Variants in ESPNL observed in about 807,000 individuals in gnomAD.
The protein encoded by ESPNL is espin-like protein.
Under a neutral mutation model 46.8 loss-of-function variants are expected in ESPNL, and 49 were observed. The observed-to-expected ratio is 1.05, with a 90% CI of 0.83 to 1.33. The LOEUF (loss-of-function observed/expected upper bound fraction) is 1.33, where lower values mean the gene tolerates loss of function less well. ESPNL is among the 40% of genes most tolerant of loss of function. The pLI, the probability that ESPNL is intolerant of heterozygous loss-of-function variation, is 0.00. For synonymous variants in ESPNL, 664 were observed against 662.1 expected (o/e 1.00, Z -0.04); for missense variants, 1,540 against 1,436.6 (o/e 1.07, Z -1.16).
At chr2:238,125,915 GTGTC>G (rs1319560589) in intron 6 of ESPNL, among the ~76,000 whole-genome samples, 4 of 152,196 alleles carry the variant, frequency 2.6e-5, no homozygotes, top group African/African-American at 9.7e-5. Context: ...GTGTGTGATT[GTGTC>G]TGTGTGTTCT....
rs1220886027 is a variant in ESPNL, at chr2:238,130,157, G to A, written c.1443G>A (p.Glu481=). 6.2e-7 allele frequency: 1 copy of A among 1,612,436 alleles called. No individual in the cohort carries two copies. Among genetic ancestry groups the A allele is most frequent in the African/African-American group, 1.3e-5 (1 of 74,912 alleles). The change falls in exon 9 of 9, where the codon GAG becomes GAA. Residue 481 remains glutamate (E), a synonymous_variant. Transcript: ENST00000343063. ...ATGGTGGGAGCTCAGGCCCCACGGA[G>A]CAGGCGGCCTGGAGGTACTCACAGA... ...QDNGGSSGPT[E]QAAWRYSQTH...
chr2:238,130,055 G>A, intron 8 of ESPNL, 73 bp from the exon 9 acceptor site: 1 of 1,518,198 alleles, frequency 6.6e-7, no homozygotes, highest in Admixed American at 1.9e-5. Flanking sequence ...GAGAACTCAG[G>A]GACTTGGAAG....
chr2:238,118,949 AT>A, intron 5 of ESPNL, among the ~76,000 whole-genome samples: 5 of 95,790 alleles, frequency 5.2e-5, no homozygotes, highest in African/African-American at 8.6e-5. Context: ...ATGGAAGAGG[AT>A]TGATGGAGGA....
chr2:238,131,406 C>T lies in ESPNL; in HGVS notation c.2692C>T (p.Arg898Cys), dbSNP rs575696223. The change falls in exon 9 of 9, where the codon CGC becomes TGC. Residue 898 changes from arginine (R) to cysteine (C), a missense_variant. Transcript: ENST00000343063. ...GGGCACCCACGGCTGGGAGGCTGTG[C>T]GCGCCTTCCACAAGGCCGTGACCGA... ...HLGTHGWEAV[R>C]AFHKAVTDEV... is the part of the protein sequence containing the mutation. 1.2e-5 allele frequency: 19 copies of T among 1,607,218 alleles called. No homozygotes were observed. In the East Asian group the frequency reaches 2.0e-4, roughly 17 times the overall value.
Position 238,114,723 on chromosome 2 carries a change from C to T in ESPNL, c.856-2180C>T, listed in dbSNP as rs971934005. ...GCCCCACAAGCTCAAAATAGTTTTT[C>T]CCTTTTTAAATGGGGAAAAGGAAAA... On this transcript the variant is annotated intron_variant, in intron 4 of 8. Coordinates refer to ENST00000343063, the MANE Select transcript of ESPNL (RefSeq NM_194312.4). The surrounding 1 kb of genome is among the most constrained non-coding windows in gnomAD (Gnocchi z 5.0). 3.2e-4 allele frequency among the ~76,000 whole-genome samples: 48 copies of T among 152,178 alleles called. No individual in the cohort carries two copies. Among genetic ancestry groups the T allele is most frequent in the Admixed American group, 6.5e-5 (1 of 15,278 alleles).
Position 238,131,872 on chromosome 2 carries a change from G to A in ESPNL, c.*140G>A, listed in dbSNP as rs1014678194. 6 of 910,332 alleles carry A rather than the reference G, an allele frequency of 6.6e-6. No homozygotes were observed. The East Asian group carries it at 1.5e-4, about 23-fold the overall frequency. 56.4% of individuals were successfully genotyped at this position (910,332 alleles called of 1,614,324 possible). The stretch of plus-strand genomic sequence containing the variant: ...TCCTACCAGTTATCGGAGGCTGCGG[G>A]ACTGTTCTGTTGTGGCATGGTTCTC... On this transcript the variant is annotated 3_prime_UTR_variant, in exon 9 of 9. Transcript: ENST00000343063.
At chr2:238,102,225 GC>G in intron 2 of ESPNL, 94 bp downstream of exon 2, 1 of 1,159,990 alleles carries the variant, frequency 8.6e-7, no homozygotes, top group Non-Finnish European at 1.2e-6. Context: ...CAGGCTGGTG[GC>G]CTTTGAGGTG....
Position 238,107,991 on chromosome 2 carries a change from G to A in ESPNL, c.855+18G>A. Reference sequence around the variant, plus strand: ...AGATGGAGGTAAGGTGGGCGTGAGGGAGACAGGGTGAGCAGTCACAAGTGC... The same window carrying A: ...AGATGGAGGTAAGGTGGGCGTGAGGAAGACAGGGTGAGCAGTCACAAGTGC... On this transcript the variant is annotated intron_variant, in intron 4 of 8. Coordinates refer to ENST00000343063, the MANE Select transcript of ESPNL (RefSeq NM_194312.4). 6.3e-7 allele frequency: 1 copy of A among 1,597,426 alleles called. No homozygotes were observed. Among genetic ancestry groups the A allele is most frequent in the Non-Finnish European group, 8.5e-7 (1 of 1,171,220 alleles).
chr2:238,130,256 T>C lies in ESPNL; in HGVS notation c.1542T>C (p.Ile514=). ...EDDLVYLEKQ[I]ADLQLRRRCQ... is the part of the protein sequence containing the mutation. ...ACCTGGTCTACCTGGAGAAGCAGATTGCAGACCTGCAGCTTCGGCGCCGCT... is the reference window on the plus strand; with the variant it reads ...ACCTGGTCTACCTGGAGAAGCAGATCGCAGACCTGCAGCTTCGGCGCCGCT... Residue 514 remains isoleucine, a synonymous_variant, in exon 9 of 9, where the codon ATT becomes ATC. Coordinates refer to ENST00000343063, the MANE Select transcript of ESPNL (RefSeq NM_194312.4). 6.2e-7 allele frequency: 1 copy of C among 1,610,142 alleles called. No individual in the cohort carries two copies. The highest frequency in any genetic ancestry group is 8.5e-7 in the Non-Finnish European group (1 of 1,178,750).
Position 238,111,072 on chromosome 2 carries a change from A to G in ESPNL, c.855+3099A>G, listed in dbSNP as rs113893492. 8.6e-3 allele frequency among the ~76,000 whole-genome samples: 1,274 copies of G among 148,284 alleles called. 24 individuals carry two copies. Among genetic ancestry groups the G allele is most frequent in the African/African-American group, 0.029 (1,167 of 40,242 alleles). ...CTCCTGAGTAGCTGGGATTACAGGCACGCACCACCACACCTGGCTAATTTT... is the reference window on the plus strand; with the variant it reads ...CTCCTGAGTAGCTGGGATTACAGGCGCGCACCACCACACCTGGCTAATTTT... On this transcript the variant is annotated intron_variant, in intron 4 of 8. Transcript: ENST00000343063.
Position 238,130,844 on chromosome 2 carries a change from G to A in ESPNL, c.2130G>A (p.Glu710=). The change falls in exon 9 of 9, where the codon GAG becomes GAA. Residue 710 remains glutamate (E), a synonymous_variant. Transcript: ENST00000343063. ...SGEPRPGDTE[E]ASDSGISCEE... is the part of the protein sequence containing the mutation. ...AGCCCAGGCCTGGCGACACAGAGGAGGCCAGCGACTCTGGCATCAGCTGCG... is the reference window on the plus strand; with the variant it reads ...AGCCCAGGCCTGGCGACACAGAGGAAGCCAGCGACTCTGGCATCAGCTGCG... 6.4e-7 allele frequency: 1 copy of A among 1,550,986 alleles called. No individual in the cohort carries two copies. The highest frequency in any genetic ancestry group is 8.7e-7 in the Non-Finnish European group (1 of 1,149,998).
rs527477430 is a variant in ESPNL, at chr2:238,129,690, C to G, written c.1414-438C>G. ...GATGATTGAGTTCTGTGCCCCCGGC[C>G]CAGCGCTGTGTCCAGCGCAATCCTG... On this transcript the variant is annotated intron_variant, in intron 8 of 8. Coordinates refer to ENST00000343063, the MANE Select transcript of ESPNL (RefSeq NM_194312.4). 1.2e-3 allele frequency among the ~76,000 whole-genome samples: 177 copies of G among 152,370 alleles called. 1 individual carries two copies. Among genetic ancestry groups the G allele is most frequent in the African/African-American group, 4.1e-3 (172 of 41,584 alleles).
chr2:238,132,001 C>T lies in ESPNL; in HGVS notation c.*269C>T. On this transcript the variant is annotated 3_prime_UTR_variant, in exon 9 of 9. Transcript: ENST00000343063. The stretch of plus-strand genomic sequence containing the variant: ...CCACCCCAGTCCAGGGCACCTCTGC[C>T]CAGCCGGCCCCCGAGACCTGGGATG... 2.8e-6 allele frequency: 1 copy of T among 363,554 alleles called. No homozygotes were observed. The allele number at this position is 363,554 out of a possible 1,614,324, so 22.5% of individuals were successfully genotyped here. A position where few individuals can be genotyped will look rare whatever the true frequency, so the allele number is the denominator to read the frequency against.
chr2:238,130,911 C>G lies in ESPNL; in HGVS notation c.2197C>G (p.Leu733Val), dbSNP rs1442078944. 58 of 1,547,600 alleles carry G rather than the reference C, an allele frequency of 3.7e-5. No homozygotes were observed. The highest frequency in any genetic ancestry group is 5.0e-5 in the Non-Finnish European group (57 of 1,146,794). ...GGCGGGTGCCGCAGCCGGCCCAGAC[C>G]TGGCCAGCCTGCGCAAGGAGCGCAT... ...SEAGAAAGPDLASLRKERIIM... is the reference protein window; with the variant it reads ...SEAGAAAGPDVASLRKERIIM... The change falls in exon 9 of 9, where the codon CTG becomes GTG. Residue 733 changes from leucine (L) to valine (V), a missense_variant. By Grantham distance (32) the Leu-to-Val change is conservative. Coordinates refer to ENST00000343063, the MANE Select transcript of ESPNL (RefSeq NM_194312.4).
At chr2:238,122,565 C>T (rs1428196971) in intron 5 of ESPNL, among the ~76,000 whole-genome samples, 3 of 152,188 alleles carry the variant, frequency 2.0e-5, no homozygotes, top group South Asian at 2.1e-4. Context: ...GGCCAGAGTC[C>T]GGTAGTCCCC....
Position 238,101,973 on chromosome 2 carries a change from C to A in ESPNL, c.327C>A (p.His109Gln), listed in dbSNP as rs777464459. ...ATGCCTCGGGCGTCTCCCCGCTGCACCTGGCCGCCCGTTTTGGACACCCAG... is the reference window on the plus strand; with the variant it reads ...ATGCCTCGGGCGTCTCCCCGCTGCAACTGGCCGCCCGTTTTGGACACCCAG... ...DQDASGVSPL[H>Q]LAARFGHPVL... The change falls in exon 2 of 9, where the codon CAC becomes CAA. Residue 109 changes from histidine (H) to glutamine (Q), a missense_variant. Coordinates refer to ENST00000343063, the MANE Select transcript of ESPNL (RefSeq NM_194312.4). 1.2e-5 allele frequency: 20 copies of A among 1,610,014 alleles called. No individual in the cohort carries two copies. The highest frequency in any genetic ancestry group is 1.7e-5 in the Non-Finnish European group (20 of 1,179,584).
chr2:238,107,353 C>G (rs1691618146), intron 3 of ESPNL, among the ~76,000 whole-genome samples: 1 of 152,212 alleles, frequency 6.6e-6, no homozygotes, highest in South Asian at 2.1e-4. Flanking sequence ...AGGGAGGCCA[C>G]AGGACCCGCT....
chr2:238,109,882 G>A (rs1691680332), intron 4 of ESPNL, among the ~76,000 whole-genome samples: 1 of 151,130 alleles, frequency 6.6e-6, no homozygotes, highest in African/African-American at 2.4e-5. Context: ...GTTACCGAGT[G>A]TCCCTTTTCT....
rs1031013473 is a variant in ESPNL, at chr2:238,128,899, G to A, written c.1408G>A (p.Ala470Thr). 1.8e-5 allele frequency: 28 copies of A among 1,537,610 alleles called. No homozygotes were observed. The African/African-American group carries it at 3.7e-4, about 20-fold the overall frequency. Residue 470 changes from alanine to threonine, a missense_variant, in exon 8 of 9, where the codon GCC (alanine) becomes ACC (threonine). Physicochemically the swap from Ala to Thr is moderately conservative, Grantham distance 58. Transcript: ENST00000343063. ...CCTGGGCGCAGAGAGCTCCGCAGAG[G>A]CCCAGGTAGGCCCCCGGCAGGGGCG... ...ARLGAESSAEAQDNGGSSGPT... is the reference protein window; with the variant it reads ...ARLGAESSAETQDNGGSSGPT...
Sources: allele counts gnomAD v4.1 joint callset (sites outside exome capture counted in the v4.1 genomes callset), GRCh38; gene constraint gnomAD v4.1.1; non-coding constraint Gnocchi (gnomAD v3.1); transcripts MANE v1.5; gene names NCBI Gene and HGNC (gene_info 2026-07-23, HGNC 2026-07-21).